CRHR1: variants seen among roughly 807,000 people sequenced by gnomAD.
CRHR1 encodes corticotropin-releasing hormone receptor 1.
A neutral mutation model predicts 56.0 loss-of-function variants in CRHR1; 28 were observed. The ratio of observed to expected loss-of-function variants is 0.50; its 90% CI spans 0.37 to 0.69. The LOEUF is 0.69. CRHR1 is among the 30% of genes least tolerant of loss of function. The pLI, the probability that CRHR1 is intolerant of heterozygous loss-of-function variation, is 0.00. For missense variants in CRHR1, 376 were observed against 548.0 expected (o/e 0.69, Z 3.13); for synonymous variants, 195 against 216.5 (o/e 0.90, Z 0.87).
chr17:45,796,383 C>G (rs1234636179), intron 1 of CRHR1, among the ~76,000 whole-genome samples: 1 of 152,196 alleles, frequency 6.6e-6, no homozygotes, highest in African/African-American at 2.4e-5. Flanking sequence ...CTGTTGTCCG[C>G]CCCCTCGTTC....
chr17:45,803,147 G>T lies in CRHR1; in HGVS notation c.34-3863G>T, dbSNP rs572210392. ...CAGAGTTGACCAGGTGACCAGGGGTGGGGGGTGGCACAGACTGCATGGGCA... is the reference window on the plus strand; with the variant it reads ...CAGAGTTGACCAGGTGACCAGGGGTTGGGGGTGGCACAGACTGCATGGGCA... On this transcript the variant is annotated intron_variant, in intron 1 of 12. Coordinates refer to ENST00000314537, the MANE Select transcript of CRHR1 (RefSeq NM_004382.5). Among the ~76,000 whole-genome samples, 11 of 152,202 alleles carry T rather than the reference G, an allele frequency of 7.2e-5. No homozygotes were observed. The East Asian group carries it at 2.1e-3, about 29-fold the overall frequency.
At position 45,784,684 on chromosome 17, in the gene CRHR1, C is replaced by A; in HGVS notation, c.33+107C>A. Reference sequence around the variant, plus strand: ...ATGGGGGCGGGGGCGCTGGGAGAGCCGTGCTTAGGTCGGGGAAGGCTGGGC... The same window carrying A: ...ATGGGGGCGGGGGCGCTGGGAGAGCAGTGCTTAGGTCGGGGAAGGCTGGGC... On this transcript the variant is annotated intron_variant, in intron 1 of 12. Transcript: ENST00000314537. This position sits in a 1 kb window ranked among gnomAD's most constrained non-coding sequence, Gnocchi z 4.2. 4 of 1,202,368 alleles carry A rather than the reference C, an allele frequency of 3.3e-6. No homozygotes were observed. Among genetic ancestry groups the A allele is most frequent in the East Asian group, 3.1e-5 (1 of 31,862 alleles). 74.5% of individuals were successfully genotyped at this position (1,202,368 alleles called of 1,614,324 possible). A position where few individuals can be genotyped will look rare whatever the true frequency, so the allele number is the denominator to read the frequency against.
intron 3 of CRHR1, among the ~76,000 whole-genome samples, chr17:45,819,677 C>T (rs2062001521): frequency 1.3e-5 from 2 of 152,206 alleles, no homozygotes; most frequent in South Asian, 4.1e-4. Context: ...AATCAGCAGC[C>T]TCTTCACCAA....
chr17:45,833,693 T>TGGGGGCCCCCCCCCCCC, intron 10 of CRHR1, 21 bp from the exon 11 acceptor site: 3 of 1,571,576 alleles, frequency 1.9e-6, no homozygotes, highest in Non-Finnish European at 2.6e-6. Flanking sequence ...ACTCCGAGCC[T>TGGGGGCCCCCCCCCCCC]CCCCACCCGC....
chr17:45,831,934 T>A (rs1177697957), intron 8 of CRHR1, among the ~76,000 whole-genome samples: 4 of 151,134 alleles, frequency 2.6e-5, no homozygotes, highest in Admixed American at 6.6e-5. Flanking sequence ...TTTATGTGGT[T>A]GACTCCCTCC....
intron 2 of CRHR1, 144 bp from the exon 3 acceptor site, chr17:45,816,319 G>T: frequency 9.1e-7 from 1 of 1,101,330 alleles, no homozygotes; most frequent in Non-Finnish European, 1.3e-6. Context: ...GCTCATTTCT[G>T]CACTGGTCAT....
chr17:45,829,122 A>T, intron 4 of CRHR1, 93 bp from the exon 5 acceptor site: 1 of 952,356 alleles, frequency 1.1e-6, no homozygotes, highest in Non-Finnish European at 1.6e-6. Context: ...TGAGATCATG[A>T]CCCGCTCCAT....
intron 4 of CRHR1, among the ~76,000 whole-genome samples, chr17:45,822,126 C>T (rs1316563170): frequency 1.3e-5 from 2 of 152,218 alleles, no homozygotes; most frequent in Non-Finnish European, 2.9e-5. Context: ...ATGTTATACA[C>T]ACTGTCTACA....
At chr17:45,829,977 CCCCA>C (rs2062258171) in intron 5 of CRHR1, 113 bp from the exon 6 acceptor site, 1 of 1,504,142 alleles carries the variant, frequency 6.6e-7, no homozygotes, top group African/African-American at 1.4e-5. Flanking sequence ...GGCCAGTCAG[CCCCA>C]CCCTGTGCCT....
At chr17:45,806,606 T>C (rs915384531) in intron 1 of CRHR1, among the ~76,000 whole-genome samples, 9 of 151,844 alleles carry the variant, frequency 5.9e-5, no homozygotes, top group Non-Finnish European at 1.0e-4. Context: ...AGCGGGCCGG[T>C]GGGAGGGTGT....
chr17:45,821,679 G>GTTCC (rs1226960146), intron 4 of CRHR1, among the ~76,000 whole-genome samples: 1 of 152,226 alleles, frequency 6.6e-6, no homozygotes, highest in Non-Finnish European at 1.5e-5. Flanking sequence ...ATGGGTCCTT[G>GTTCC]TTCCTTCCTT....
At chr17:45,823,207 C>T (rs1448355875) in intron 4 of CRHR1, among the ~76,000 whole-genome samples, 1 of 151,808 alleles carries the variant, frequency 6.6e-6, no homozygotes, top group Non-Finnish European at 1.5e-5. Flanking sequence ...AGGGCCACAC[C>T]CAACACCTAA....
intron 5 of CRHR1, 75 bp from the exon 6 acceptor site, chr17:45,830,019 G>A: frequency 6.3e-7 from 1 of 1,595,668 alleles, no homozygotes; most frequent in Non-Finnish European, 8.5e-7. Flanking sequence ...CATCTGGGCT[G>A]GGGTGATGGA....
At chr17:45,810,535 A>G (rs1490566931) in intron 2 of CRHR1, among the ~76,000 whole-genome samples, 2 of 152,136 alleles carry the variant, frequency 1.3e-5, no homozygotes, top group Non-Finnish European at 2.9e-5. Context: ...TGCCACCAGC[A>G]CTGCGTTATG....
Position 45,830,402 on chromosome 17 carries a change from G to A in CRHR1, c.556-15G>A. The A allele has an allele frequency of 6.3e-7, 1 of 1,598,306 alleles. No individual in the cohort carries two copies. The highest frequency in any genetic ancestry group is 8.5e-7 in the Non-Finnish European group (1 of 1,170,866). ...TGCCCCCCATCATCATCTCTGGTTGGGGGTGGGGTGGCAGGGCTGGTGCAG... is the reference window on the plus strand; with the variant it reads ...TGCCCCCCATCATCATCTCTGGTTGAGGGTGGGGTGGCAGGGCTGGTGCAG... On this transcript the variant is annotated splice_polypyrimidine_tract_variant and intron_variant, in intron 6 of 12. Transcript: ENST00000314537.
At chr17:45,796,874 G>T (rs2061527145) in intron 1 of CRHR1, among the ~76,000 whole-genome samples, 1 of 152,164 alleles carries the variant, frequency 6.6e-6, no homozygotes, top group Non-Finnish European at 1.5e-5. Flanking sequence ...GGAGGAGAGA[G>T]GCAGGAGGCC....
chr17:45,785,465 C>G (rs912058443), intron 1 of CRHR1, among the ~76,000 whole-genome samples: 5 of 152,220 alleles, frequency 3.3e-5, no homozygotes, highest in African/African-American at 1.2e-4. Flanking sequence ...TGCAGCCGGC[C>G]GGAGAGGCGG....
intron 2 of CRHR1, among the ~76,000 whole-genome samples, chr17:45,807,695 G>A (rs868415788): frequency 5.9e-5 from 9 of 152,226 alleles, no homozygotes; most frequent in Admixed American, 1.3e-4. Flanking sequence ...GGTCTCCAGC[G>A]CCGTGCTCTG....
Position 45,784,447 on chromosome 17 carries a change from G to T in CRHR1, c.-98G>T. 8.0e-7 allele frequency: 1 copy of T among 1,254,786 alleles called. No homozygotes were observed. 77.7% of individuals were successfully genotyped at this position (1,254,786 alleles called of 1,614,324 possible). ...CAGGCAGCGACCGAGGAGCCCGGCC[G>T]CCCACCCCGTGCCGCCCGAGCCCGC... On this transcript the variant is annotated 5_prime_UTR_variant, in exon 1 of 13. Coordinates refer to ENST00000314537, the MANE Select transcript of CRHR1 (RefSeq NM_004382.5). This position sits in a 1 kb window ranked among gnomAD's most constrained non-coding sequence, Gnocchi z 4.2.
Sources: allele counts gnomAD v4.1 joint callset (sites outside exome capture counted in the v4.1 genomes callset), GRCh38; gene constraint gnomAD v4.1.1; non-coding constraint Gnocchi (gnomAD v3.1); transcripts MANE v1.5; gene names NCBI Gene and HGNC (gene_info 2026-07-23, HGNC 2026-07-21).